PLA2G5: variants seen among roughly 807,000 people sequenced by gnomAD.
PLA2G5 encodes Ca2+-dependent phospholipase A2.
Under a neutral mutation model 15.9 loss-of-function variants are expected in PLA2G5, and 12 were observed. That is an observed-to-expected ratio of 0.76 (90% CI 0.48 to 1.23). The LOEUF (loss-of-function observed/expected upper bound fraction) is 1.23, where lower values mean the gene tolerates loss of function less well. Among genes scored for constraint, PLA2G5 ranks in the 50% most tolerant of loss-of-function variants. PLA2G5 has a pLI of 0.00. For synonymous variants in PLA2G5, 71 were observed against 71.4 expected (o/e 0.99, Z 0.03); for missense variants, 169 against 177.1 (o/e 0.95, Z 0.26).
intron 1 of PLA2G5, among the ~76,000 whole-genome samples, chr1:20,072,749 G>A (rs1317888383): frequency 1.3e-5 from 2 of 152,150 alleles, no homozygotes; most frequent in Non-Finnish European, 2.9e-5. Flanking sequence ...ACTCTGCTGG[G>A]GAGCTATCAG....
chr1:20,075,102 G>T (rs187818950), intron 1 of PLA2G5, among the ~76,000 whole-genome samples: 1 of 152,336 alleles, frequency 6.6e-6, no homozygotes, highest in African/African-American at 2.4e-5. Flanking sequence ...TGGGGGTCAC[G>T]CATGTGATTG....
chr1:20,061,664 C>T (rs967213289), intron 2 of PLA2G5, among the ~76,000 whole-genome samples: 12 of 151,976 alleles, frequency 7.9e-5, no homozygotes, highest in Non-Finnish European at 1.3e-4. Flanking sequence ...ATAAACAGGG[C>T]CTAAAAGAAT....
intron 1 of PLA2G5, among the ~76,000 whole-genome samples, chr1:20,077,713 A>G (rs965948623): frequency 1.3e-5 from 2 of 152,176 alleles, no homozygotes; most frequent in African/African-American, 4.8e-5. Flanking sequence ...TATTTTACAC[A>G]GATAAAACTG....
chr1:20,035,298 C>T (rs893498323), intron 1 of PLA2G5, among the ~76,000 whole-genome samples: 8 of 152,054 alleles, frequency 5.3e-5, no homozygotes, highest in East Asian at 1.9e-4. Flanking sequence ...AGGGGAGTTG[C>T]GGGGCATGGC....
chr1:20,041,007 G>A (rs1309980084), intron 1 of PLA2G5, among the ~76,000 whole-genome samples: 1 of 152,164 alleles, frequency 6.6e-6, no homozygotes, highest in Non-Finnish European at 1.5e-5. Flanking sequence ...AAAACAAACT[G>A]TGCTCTGACT....
intron 1 of PLA2G5, among the ~76,000 whole-genome samples, chr1:20,028,863 T>C (rs936361159): frequency 6.6e-6 from 1 of 152,168 alleles, no homozygotes; most frequent in Non-Finnish European, 1.5e-5. Flanking sequence ...TGCGATGGGG[T>C]TGCAGCTGCT....
chr1:20,031,997 C>G (rs2012979267), intron 1 of PLA2G5, among the ~76,000 whole-genome samples: 1 of 152,058 alleles, frequency 6.6e-6, no homozygotes, highest in Non-Finnish European at 1.5e-5. Context: ...CAGGGAGATT[C>G]TGGAGGATAA....
At chr1:20,034,286 T>C (rs1333505145) in intron 1 of PLA2G5, among the ~76,000 whole-genome samples, 1 of 152,130 alleles carries the variant, frequency 6.6e-6, no homozygotes, top group Non-Finnish European at 1.5e-5. Context: ...AAGTCCATAT[T>C]AGTTGGGTGG....
chr1:20,054,764 G>A (rs536358207), intron 1 of PLA2G5: 2 of 152,204 alleles, frequency 1.3e-5, no homozygotes, highest in South Asian at 2.1e-4. Flanking sequence ...TCGGTGACCT[G>A]TACATATGTA....
chr1:20,032,109 T>A (rs2012984854), intron 1 of PLA2G5, among the ~76,000 whole-genome samples: 1 of 152,294 alleles, frequency 6.6e-6, no homozygotes, highest in South Asian at 2.1e-4. Context: ...GTTCAGGCCA[T>A]CTTAACCTCT....
At chr1:20,085,974 A>C (rs542282498) in intron 2 of PLA2G5, 109 bp from the exon 3 acceptor site, 3 of 1,039,086 alleles carry the variant, frequency 2.9e-6, no homozygotes, top group South Asian at 3.0e-5. Context: ...AGAGACATGC[A>C]GGTCCCTCCA....
chr1:20,076,080 C>T (rs1287015744), intron 1 of PLA2G5, among the ~76,000 whole-genome samples: 1 of 152,076 alleles, frequency 6.6e-6, no homozygotes, highest in Non-Finnish European at 1.5e-5. Flanking sequence ...ACCTCACTGG[C>T]CAGGCTGGTC....
chr1:20,078,090 G>A (rs1020330707), intron 1 of PLA2G5, among the ~76,000 whole-genome samples: 1 of 152,082 alleles, frequency 6.6e-6, no homozygotes, highest in Admixed American at 6.5e-5. Context: ...GAGGGCAGGC[G>A]GCACAGTGCA....
At chr1:20,058,696 G>C (rs1285842948) in intron 1 of PLA2G5, among the ~76,000 whole-genome samples, 2 of 152,052 alleles carry the variant, frequency 1.3e-5, no homozygotes, top group African/African-American at 2.4e-5. Flanking sequence ...GTGTAGGAGG[G>C]GTGTTAAATT....
chr1:20,079,529 G>A (rs1569807409), intron 1 of PLA2G5, among the ~76,000 whole-genome samples: 1 of 152,106 alleles, frequency 6.6e-6, no homozygotes, highest in Non-Finnish European at 1.5e-5. Flanking sequence ...TTCATTAATA[G>A]AGACAGGGGC....
chr1:20,046,425 T>C (rs2013905678), intron 1 of PLA2G5, among the ~76,000 whole-genome samples: 1 of 152,216 alleles, frequency 6.6e-6, no homozygotes, highest in African/African-American at 2.4e-5. Context: ...AACCATGTGC[T>C]TGGTTTCTGT....
intron 1 of PLA2G5, among the ~76,000 whole-genome samples, chr1:20,083,853 G>C (rs1356981222): frequency 6.6e-6 from 1 of 151,696 alleles, no homozygotes; most frequent in Non-Finnish European, 1.5e-5. Flanking sequence ...TTTCCCAGTG[G>C]CAAAATGAGA....
intron 1 of PLA2G5, among the ~76,000 whole-genome samples, chr1:20,042,612 T>G (rs919709138): frequency 3.9e-5 from 6 of 152,020 alleles, no homozygotes; most frequent in African/African-American, 1.5e-4. Flanking sequence ...GTGAAAGGAT[T>G]TAGGATCTAT....
intron 1 of PLA2G5, among the ~76,000 whole-genome samples, chr1:20,079,009 CAGAGGCA>C (rs2015853168): frequency 6.6e-6 from 1 of 150,386 alleles, no homozygotes; most frequent in Admixed American, 6.7e-5. Flanking sequence ...ACTCGAGAGG[CAGAGGCA>C]GGAGGGAAGA....
Sources: gnomAD v4.1 joint callset for allele counts (sites outside exome capture counted in the v4.1 genomes callset) on GRCh38, gnomAD v4.1.1 for gene constraint, MANE v1.5 for transcripts, NCBI Gene and HGNC (gene_info 2026-07-23, HGNC 2026-07-21) for gene names.